Variants in ARHGEF12 observed in about 807,000 individuals in gnomAD.
The protein encoded by ARHGEF12 is Rho guanine nucleotide exchange factor 12.
In ARHGEF12, 66 loss-of-function variants were observed where a neutral mutation model predicts 211.2. The ratio of observed to expected loss-of-function variants is 0.31; its 90% confidence interval spans 0.26 to 0.38. The LOEUF is 0.38. Ranked by LOEUF, ARHGEF12 falls within the 10% of genes least tolerant of loss-of-function variation. The pLI, the probability that ARHGEF12 is intolerant of heterozygous loss-of-function variation, is 1.00. For synonymous variants in ARHGEF12, 592 were observed against 638.4 expected, an observed-to-expected ratio of 0.93 and a Z score of 1.09; for missense variants, 1,429 against 1,869.5, an observed-to-expected ratio of 0.76 and a Z score of 4.34.
intron 15 of ARHGEF12, among the ~76,000 whole-genome samples, chr11:120,444,504 C>G (rs1302197847): frequency 6.6e-6 from 1 of 152,102 alleles, no homozygotes; most frequent in Non-Finnish European, 1.5e-5. Context: ...GAGCTACTGC[C>G]TGTCAAAGAG....
chr11:120,451,422 C>T, intron 21 of ARHGEF12, 90 bp from the exon 22 acceptor site: 1 of 1,221,340 alleles, frequency 8.2e-7, no homozygotes, highest in Non-Finnish European at 1.2e-6. Flanking sequence ...CATGATTCGC[C>T]CACCTTGGCC....
At chr11:120,410,173 C>T (rs887857160) in intron 4 of ARHGEF12, 14 of 152,074 alleles carry the variant, frequency 9.2e-5, no homozygotes, top group African/African-American at 4.8e-5. Context: ...TAGACTGTGT[C>T]CTGTCTTCCA....
In ARHGEF12 at chr11:120,424,278, T is replaced by C. The variant is rs1945278695; in HGVS notation, c.349-80T>C. 7.6e-6 allele frequency: 7 copies of C among 926,210 alleles called. No homozygotes were observed. In the East Asian group the frequency reaches 9.8e-5, roughly 13 times the overall value. 57.4% of individuals were successfully genotyped at this position (926,210 alleles called of 1,614,324 possible). On this transcript the variant is annotated intron_variant, in intron 6 of 40. Coordinates refer to ENST00000397843, the MANE Select transcript of ARHGEF12 (RefSeq NM_015313.3). ...TTACTATATTATATTGGTTATATTA[T>C]GTATGATAATTCTTGAAGTCATTTT...
intron 1 of ARHGEF12, among the ~76,000 whole-genome samples, chr11:120,384,939 G>T (rs1461053925): frequency 6.6e-6 from 1 of 150,754 alleles, no homozygotes; most frequent in African/African-American, 2.4e-5. Flanking sequence ...AGGAAAAGGA[G>T]CAGTAACAAC....
At chr11:120,446,886 C>T (rs1946063302) in intron 17 of ARHGEF12, 62 bp from the exon 18 acceptor site, 10 of 1,559,408 alleles carry the variant, frequency 6.4e-6, no homozygotes, top group African/African-American at 1.4e-5. Context: ...TGTGATGAAG[C>T]GTCCCCAGAA....
At chr11:120,474,752 C>T in intron 32 of ARHGEF12, 117 bp downstream of exon 32, 1 of 677,656 alleles carries the variant, frequency 1.5e-6, no homozygotes, top group Non-Finnish European at 2.5e-6. Context: ...TGCAGTGCTA[C>T]CTCGTGTTAT....
intron 6 of ARHGEF12, 137 bp from the exon 7 acceptor site, chr11:120,424,221 A>G: frequency 1.8e-6 from 1 of 541,492 alleles, no homozygotes; most frequent in Non-Finnish European, 3.1e-6. Flanking sequence ...TGAATATTGA[A>G]TCAAATACAT....
intron 11 of ARHGEF12, among the ~76,000 whole-genome samples, chr11:120,433,101 T>C (rs1001730477): frequency 6.6e-6 from 1 of 152,206 alleles, no homozygotes; most frequent in Admixed American, 6.5e-5. Flanking sequence ...AACAGCCTTA[T>C]GAAGTAGTAC....
Position 120,409,422 on chromosome 11 carries a change from T to C in ARHGEF12, c.171T>C (p.Ser57=). Residue 57 remains serine, a synonymous_variant, in exon 4 of 41, where the codon AGT becomes AGC. Coordinates refer to ENST00000397843, the MANE Select transcript of ARHGEF12 (RefSeq NM_015313.3). ...GCTCCTCCAAGAAGACAAAGTCTAG[T>C]TCAGAGGAGAGTAGATCCGAGATAT... ...TDSSSKKTKS[S]SEESRSEIYG... 1 of 1,613,956 alleles carries C rather than the reference T, an allele frequency of 6.2e-7. No individual in the cohort carries two copies. Among genetic ancestry groups the C allele is most frequent in the Non-Finnish European group, 8.5e-7 (1 of 1,179,890 alleles).
At chr11:120,371,704 T>C (rs1223306626) in intron 1 of ARHGEF12, among the ~76,000 whole-genome samples, 1 of 152,214 alleles carries the variant, frequency 6.6e-6, no homozygotes, top group Admixed American at 6.5e-5. Context: ...TTATGAGGGC[T>C]AATACAGCCA....
At chr11:120,401,654 C>G (rs1944550789) in intron 1 of ARHGEF12, among the ~76,000 whole-genome samples, 1 of 152,098 alleles carries the variant, frequency 6.6e-6, no homozygotes, top group African/African-American at 2.4e-5. Context: ...ATGGTCAACA[C>G]AATTTCACTA....
intron 11 of ARHGEF12, among the ~76,000 whole-genome samples, chr11:120,432,675 G>A (rs932760771): frequency 6.6e-6 from 1 of 152,212 alleles, no homozygotes; most frequent in African/African-American, 2.4e-5. Flanking sequence ...AGGAAATACA[G>A]TGCTTTGCAT....
chr11:120,476,693 G>C lies in ARHGEF12; in HGVS notation c.3310G>C (p.Asp1104His). Residue 1104 changes from aspartate to histidine, a missense_variant, in exon 34 of 41, where the codon GAC becomes CAC. Around this residue, in one of 7 missense-constraint regions of ARHGEF12, gnomAD observed 223 missense variants for 444.6 expected, o/e 0.50. Coordinates refer to ENST00000397843, the MANE Select transcript of ARHGEF12 (RefSeq NM_015313.3). The stretch of plus-strand genomic sequence containing the variant: ...AGCTTTATTCGTCATTTCCATGTCA[G>C]ACAATGGCGCTCAGATTTATGAACT... ...NKALFVISMS[D>H]NGAQIYELVA... 6.2e-7 allele frequency: 1 copy of C among 1,613,128 alleles called. No individual in the cohort carries two copies. The highest frequency in any genetic ancestry group is 8.5e-7 in the Non-Finnish European group (1 of 1,179,590).
chr11:120,476,584 A>T, intron 33 of ARHGEF12, 77 bp from the exon 34 acceptor site: 1 of 986,500 alleles, frequency 1.0e-6, no homozygotes, highest in Non-Finnish European at 1.5e-6. Context: ...GGGGCAGACT[A>T]TTTCAAGACC....
intron 25 of ARHGEF12, 56 bp downstream of exon 25, chr11:120,458,290 AATT>A: frequency 6.3e-7 from 1 of 1,599,398 alleles, no homozygotes; most frequent in Non-Finnish European, 8.5e-7. Context: ...TGTCAGAGTG[AATT>A]AAGTCTCTCA....
intron 1 of ARHGEF12, among the ~76,000 whole-genome samples, chr11:120,401,732 T>C (rs1433105821): frequency 6.6e-6 from 1 of 152,220 alleles, no homozygotes; most frequent in Non-Finnish European, 1.5e-5. Context: ...CCTGATCTTT[T>C]TTCTTACAGT....
Position 120,488,060 on chromosome 11 carries a change from A to C in ARHGEF12, c.*2983A>C, listed in dbSNP as rs1031675507. ...AATGAAGGATGAATCCCCTTTTTAAAAAGTTGTTGTTGTTGTTGTTTATTT... is the reference window on the plus strand; with the variant it reads ...AATGAAGGATGAATCCCCTTTTTAACAAGTTGTTGTTGTTGTTGTTTATTT... On this transcript the variant is annotated 3_prime_UTR_variant, in exon 41 of 41. Transcript: ENST00000397843. The C allele has an allele frequency of 4.5e-6, 1 of 220,274 alleles. No homozygotes were observed. Among genetic ancestry groups the C allele is most frequent in the Non-Finnish European group, 9.1e-6 (1 of 110,036 alleles). The allele number at this position is 220,274 out of a possible 1,614,324, so 13.6% of individuals were successfully genotyped here.
At chr11:120,406,951 A>G (rs1591551636) in intron 2 of ARHGEF12, among the ~76,000 whole-genome samples, 1 of 152,242 alleles carries the variant, frequency 6.6e-6, no homozygotes. Flanking sequence ...ATTCATTTCC[A>G]GGTCTTAAAT....
intron 21 of ARHGEF12, chr11:120,449,449 C>A (rs1167684617): frequency 1.2e-5 from 5 of 414,718 alleles, no homozygotes; most frequent in South Asian, 4.3e-5. Context: ...GCCTGTAATC[C>A]CAGCAGTTTG....
Sources: gnomAD v4.1 joint callset for allele counts (sites outside exome capture counted in the v4.1 genomes callset) on GRCh38, gnomAD v4.1.1 for gene constraint, gnomAD v4.1.1 regional missense constraint, MANE v1.5 for transcripts, NCBI Gene and HGNC (gene_info 2026-07-23, HGNC 2026-07-21) for gene names.